The following KIAA0825 variants were observed in gnomAD, a reference collection of about 807,000 sequenced individuals.
KIAA0825 encodes KIAA0825, also known as uncharacterized protein KIAA0825.
Under a neutral mutation model 147.6 loss-of-function variants are expected in KIAA0825, and 119 were observed. The observed-to-expected ratio is 0.81, with a 90% CI of 0.69 to 0.94. The LOEUF (loss-of-function observed/expected upper bound fraction) is 0.94, where lower values mean the gene tolerates loss of function less well. KIAA0825 is among the 40% of genes least tolerant of loss of function. The probability of loss-of-function intolerance (pLI) is 0.00; values close to 1 mark genes in which losing one functional copy is unlikely to be tolerated. For synonymous variants in KIAA0825, 470 were observed against 518.1 expected, an observed-to-expected ratio of 0.91 and a Z score of 1.26; for missense variants, 1,381 against 1,472.7, an observed-to-expected ratio of 0.94 and a Z score of 1.02.
At chr5:94,339,074 A>C (rs1052258957) in intron 20 of KIAA0825, among the ~76,000 whole-genome samples, 3 of 152,164 alleles carry the variant, frequency 2.0e-5, no homozygotes, top group African/African-American at 7.2e-5. Flanking sequence ...AAATATTAAT[A>C]ATGCTTTTTT....
chr5:94,477,026 C>A (rs1346975119), intron 7 of KIAA0825, 85 bp downstream of exon 7: 100 of 997,682 alleles, frequency 1.0e-4, no homozygotes, highest in Admixed American at 2.5e-5. Context: ...GGGTAAAACT[C>A]AAGACATCTT....
chr5:94,202,513 T>C (rs1256637931), intron 20 of KIAA0825, among the ~76,000 whole-genome samples: 1 of 152,168 alleles, frequency 6.6e-6, no homozygotes, highest in South Asian at 2.1e-4. Flanking sequence ...GCAGGAGGAA[T>C]AGGCTATTAA....
chr5:94,434,631 G>A (rs1756105316), intron 14 of KIAA0825, among the ~76,000 whole-genome samples: 1 of 152,124 alleles, frequency 6.6e-6, no homozygotes, highest in Non-Finnish European at 1.5e-5. Context: ...AAGTGTATTT[G>A]GCTCACAGTT....
intron 12 of KIAA0825, among the ~76,000 whole-genome samples, chr5:94,458,592 A>C (rs1759425197): frequency 6.6e-6 from 1 of 152,162 alleles, no homozygotes; most frequent in Non-Finnish European, 1.5e-5. Context: ...GATGATATAT[A>C]AAGCTGTTTA....
At chr5:94,606,390 A>T (rs1263948079) in intron 1 of KIAA0825, among the ~76,000 whole-genome samples, 2 of 152,186 alleles carry the variant, frequency 1.3e-5, no homozygotes, top group African/African-American at 2.4e-5. Context: ...TTCTTCACAG[A>T]ACTAGAACAA....
chr5:94,604,227 T>G (rs1368936404), intron 1 of KIAA0825, among the ~76,000 whole-genome samples: 1 of 152,150 alleles, frequency 6.6e-6, no homozygotes, highest in East Asian at 1.9e-4. Flanking sequence ...CATAACAGTC[T>G]CTCAAACCAC....
chr5:94,235,836 T>C (rs1415332326), intron 20 of KIAA0825, among the ~76,000 whole-genome samples: 1 of 152,234 alleles, frequency 6.6e-6, no homozygotes, highest in Non-Finnish European at 1.5e-5. Flanking sequence ...GCTTGTGCTC[T>C]ATAAATGGAA....
chr5:94,494,828 AT>A (rs1289345149), intron 5 of KIAA0825, among the ~76,000 whole-genome samples: 1 of 152,184 alleles, frequency 6.6e-6, no homozygotes, highest in African/African-American at 2.4e-5. Flanking sequence ...GAGAATTTAT[AT>A]TTCATTTTTT....
chr5:94,434,582 T>C (rs1756101357), intron 14 of KIAA0825, among the ~76,000 whole-genome samples: 1 of 152,236 alleles, frequency 6.6e-6, no homozygotes, highest in South Asian at 2.1e-4. Context: ...TCTGCTGCTA[T>C]AACACAATAC....
chr5:94,151,419 G>A lies in KIAA0825; in HGVS notation c.*2588C>T, dbSNP rs1366693308. Among the ~76,000 whole-genome samples the A allele has an allele frequency of 3.4e-5, 3 of 87,744 alleles. No homozygotes were observed. The highest frequency in any genetic ancestry group is 1.5e-4 in the African/African-American group (3 of 20,668). 57.6% of individuals were successfully genotyped at this position (87,744 alleles called of 152,430 possible). ...GGCCTGGGCGACAGAGCGAGACTCC[G>A]TCTCAAAAAAAAAAAAAAAAAAAAA... On this transcript the variant is annotated 3_prime_UTR_variant, in exon 21 of 21. Transcript: ENST00000682413.
chr5:94,301,385 AAT>A (rs920441286), intron 20 of KIAA0825, among the ~76,000 whole-genome samples: 8 of 149,994 alleles, frequency 5.3e-5, no homozygotes, highest in Admixed American at 6.7e-5. Flanking sequence ...CTAATAAATA[AAT>A]ATATATATAT....
At chr5:94,338,462 A>G (rs1294395073) in intron 20 of KIAA0825, among the ~76,000 whole-genome samples, 1 of 152,106 alleles carries the variant, frequency 6.6e-6, no homozygotes, top group African/African-American at 2.4e-5. Flanking sequence ...TATACTATAT[A>G]TGGTGCCACA....
chr5:94,357,467 AAAC>A (rs1172831968), intron 20 of KIAA0825, among the ~76,000 whole-genome samples: 2 of 152,268 alleles, frequency 1.3e-5, no homozygotes, highest in Non-Finnish European at 2.9e-5. Context: ...AAAACAAAAT[AAAC>A]AACATTTTAT....
At chr5:94,334,754 G>T (rs1781635291) in intron 20 of KIAA0825, among the ~76,000 whole-genome samples, 1 of 152,154 alleles carries the variant, frequency 6.6e-6, no homozygotes, top group Non-Finnish European at 1.5e-5. Flanking sequence ...AAACTGCTGG[G>T]ATTACAGGTG....
Position 94,470,084 on chromosome 5 carries a change from T to A in KIAA0825, c.1749A>T (p.Arg583=). Residue 583 remains arginine, a synonymous_variant, in exon 10 of 21, where the codon CGA becomes CGT. Coordinates refer to ENST00000682413, the MANE Select transcript of KIAA0825 (RefSeq NM_001145678.3). ...KKPIFLVLVQ[R]YQEFINTLQF... ...GTAGAGTGTTGATGAATTCCTGATA[T>A]CGTTGGACAAGCACCAGGAATATGG... The A allele has an allele frequency of 6.4e-7, 1 of 1,551,524 alleles. No homozygotes were observed. The highest frequency in any genetic ancestry group is 8.7e-7 in the Non-Finnish European group (1 of 1,146,912).
chr5:94,408,117 T>A (rs1752304562), intron 15 of KIAA0825, among the ~76,000 whole-genome samples: 1 of 152,134 alleles, frequency 6.6e-6, no homozygotes, highest in East Asian at 1.9e-4. Flanking sequence ...GTGGGTTGGA[T>A]TTGGTCCAAA....
intron 20 of KIAA0825, among the ~76,000 whole-genome samples, chr5:94,314,211 T>A (rs1779437905): frequency 6.6e-6 from 1 of 151,660 alleles, no homozygotes; most frequent in Admixed American, 6.6e-5. Flanking sequence ...AATATAACTT[T>A]TTGCTCTATT....
chr5:94,217,960 T>C (rs990252823), intron 20 of KIAA0825, among the ~76,000 whole-genome samples: 4 of 152,174 alleles, frequency 2.6e-5, no homozygotes, highest in African/African-American at 9.7e-5. Flanking sequence ...ATAAAGCTCA[T>C]TGAGTCAAGG....
chr5:94,307,285 G>A (rs907281559), intron 20 of KIAA0825, among the ~76,000 whole-genome samples: 12 of 151,688 alleles, frequency 7.9e-5, no homozygotes, highest in Non-Finnish European at 1.3e-4. Flanking sequence ...TTCTTCCCTT[G>A]TGCCTGACAG....
Sources: gnomAD v4.1 joint callset for allele counts (sites outside exome capture counted in the v4.1 genomes callset) on GRCh38, gnomAD v4.1.1 for gene constraint, MANE v1.5 for transcripts, NCBI Gene and HGNC (gene_info 2026-07-23, HGNC 2026-07-21) for gene names.